The following ARHGAP29 variants were observed in gnomAD, a reference collection of about 807,000 sequenced individuals.
The protein encoded by ARHGAP29 is Rho GTPase activating protein 29.
ARHGAP29 carries 43 observed loss-of-function variants against 122.6 expected under a neutral mutation model. The observed-to-expected ratio is 0.35, with a 90% CI of 0.27 to 0.45. The LOEUF (loss-of-function observed/expected upper bound fraction) is 0.45, where lower values mean the gene tolerates loss of function less well. Ranked by LOEUF, ARHGAP29 falls within the 20% of genes least tolerant of loss-of-function variation. ARHGAP29 has a pLI of 1.00. For synonymous variants in ARHGAP29, 506 were observed against 497.1 expected (o/e 1.02, Z -0.24); for missense variants, 1,303 against 1,477.2 (o/e 0.88, Z 1.93).
chr1:94,174,769 A>T lies in ARHGAP29; in HGVS notation c.2906-20T>A, dbSNP rs757663502. On this transcript the variant is annotated intron_variant, in intron 22 of 22. Transcript: ENST00000260526. ...CTTTGTCTGAAAATGAAAGAAATCT[A>T]TTTAAGTTTGTGGCACATGGTTAAT... The T allele has an allele frequency of 1.2e-6, 2 of 1,605,494 alleles. No homozygotes were observed. Among genetic ancestry groups the T allele is most frequent in the Non-Finnish European group, 1.7e-6 (2 of 1,175,952 alleles).
rs1649441312 is a variant in ARHGAP29, at chr1:94,181,262, A to C, written c.2248-1305T>G. 4.6e-5 allele frequency among the ~76,000 whole-genome samples: 7 copies of C among 152,278 alleles called. No homozygotes were observed. In the South Asian group the frequency reaches 1.5e-3, roughly 32 times the overall value. On this transcript the variant is annotated intron_variant, in intron 19 of 22. Coordinates refer to ENST00000260526, the MANE Select transcript of ARHGAP29 (RefSeq NM_004815.4). ...GCACTAGGTCTTCTGATTCTGCTGGAGCTATCTGAGAAGGCTTAGATCTGT... is the reference window on the plus strand; with the variant it reads ...GCACTAGGTCTTCTGATTCTGCTGGCGCTATCTGAGAAGGCTTAGATCTGT...
upstream of ARHGAP29, among the ~76,000 whole-genome samples, chr1:94,242,037 C>T (rs1294673998): frequency 6.6e-6 from 1 of 151,844 alleles, no homozygotes; most frequent in Non-Finnish European, 1.5e-5. Flanking sequence ...GGACAGAGTA[C>T]CAGAGACTAA....
upstream of ARHGAP29, among the ~76,000 whole-genome samples, chr1:94,241,675 GATAT>G (rs1185118743): frequency 2.2e-5 from 3 of 139,140 alleles, no homozygotes. Context: ...AATTATATAT[GATAT>G]ATATAATTTA....
At chr1:94,198,537 C>G (rs368509620) in intron 12 of ARHGAP29, among the ~76,000 whole-genome samples, 2 of 152,100 alleles carry the variant, frequency 1.3e-5, no homozygotes, top group South Asian at 4.1e-4. Context: ...TAAAGGAAAT[C>G]TATACATATG....
In ARHGAP29 at chr1:94,269,740, G is replaced by T. The variant is rs369782444; in HGVS notation, c.-33+5272C>A. ...GCCAGGCATTGTTAAAGGTGCTGGGGGTATAGTAGGGACTAAAGCTGACGA... is the reference window on the plus strand; with the variant it reads ...GCCAGGCATTGTTAAAGGTGCTGGGTGTATAGTAGGGACTAAAGCTGACGA... On this transcript the variant is annotated intron_variant and NMD_transcript_variant, in intron 1 of 25. Coordinates refer to the ARHGAP29 transcript ENST00000552844. Among the ~76,000 whole-genome samples, 89 of 152,196 alleles carry T rather than the reference G, an allele frequency of 5.8e-4. No individual in the cohort carries two copies. The South Asian group carries it at 0.018, about 30-fold the overall frequency.
chr1:94,294,877 A>G, the ARHGAP29 span, among the ~76,000 whole-genome samples: 2 of 152,254 alleles, frequency 1.3e-5, no homozygotes, highest in South Asian at 4.1e-4. Flanking sequence ...CAACAGTGTC[A>G]AATGCCCTTG....
At chr1:94,270,456 G>GT (rs1654944134) in intron 1 of ARHGAP29, among the ~76,000 whole-genome samples, 1 of 152,210 alleles carries the variant, frequency 6.6e-6, no homozygotes, top group Non-Finnish European at 1.5e-5. Flanking sequence ...CCCATTATGA[G>GT]TTGAGTTATT....
intron 14 of ARHGAP29, 51 bp downstream of exon 14, chr1:94,189,165 G>A (rs748212179): frequency 9.5e-5 from 147 of 1,548,114 alleles, no homozygotes; most frequent in Non-Finnish European, 1.3e-4. Context: ...AATCACATTC[G>A]AACAACCTGA....
At chr1:94,261,895 A>G (rs1654570876) in intron 1 of ARHGAP29, among the ~76,000 whole-genome samples, 2 of 152,240 alleles carry the variant, frequency 1.3e-5, no homozygotes, top group South Asian at 2.1e-4. Context: ...ACAACTAGAA[A>G]AAGCTATTTT....
the ARHGAP29 span, among the ~76,000 whole-genome samples, chr1:94,294,324 T>TA: frequency 2.6e-5 from 4 of 151,788 alleles, no homozygotes; most frequent in East Asian, 3.9e-4. Context: ...TATGTATATA[T>TA]TTTTTTAGAC....
chr1:94,238,507 T>C (rs948508434), upstream of ARHGAP29, among the ~76,000 whole-genome samples: 1 of 152,088 alleles, frequency 6.6e-6, no homozygotes, highest in Non-Finnish European at 1.5e-5. Context: ...GAACAAGCGA[T>C]GGCACTTACC....
Position 94,207,389 on chromosome 1 carries a change from C to T in ARHGAP29, c.510+1443G>A, listed in dbSNP as rs184667346. ...ATATATCATCACAGCTTTTTTATTC[C>T]AATCTCTAAAACAAATTAAAACCTT... On this transcript the variant is annotated intron_variant, in intron 5 of 22. Transcript: ENST00000260526. Among the ~76,000 whole-genome samples the T allele has an allele frequency of 1.5e-3, 233 of 151,432 alleles. 2 individuals carry two copies. The highest frequency in any genetic ancestry group is 2.0e-3 in the Non-Finnish European group (137 of 67,846).
chr1:94,208,731 A>AT (rs1251561861), intron 5 of ARHGAP29, 101 bp downstream of exon 5: 2 of 1,156,900 alleles, frequency 1.7e-6, no homozygotes, highest in Non-Finnish European at 2.6e-6. Flanking sequence ...AAGTGCTGGG[A>AT]TTACAGGTAT....
intron 20 of ARHGAP29, among the ~76,000 whole-genome samples, chr1:94,179,300 G>C (rs1342784297): frequency 6.6e-6 from 1 of 152,056 alleles, no homozygotes; most frequent in East Asian, 1.9e-4. Flanking sequence ...TAACACTTAA[G>C]AATGGCTAAG....
chr1:94,243,572 A>G (rs1302668625), intron 1 of ARHGAP29, among the ~76,000 whole-genome samples: 2 of 152,074 alleles, frequency 1.3e-5, no homozygotes, highest in African/African-American at 4.8e-5. Context: ...ACACAGTTTT[A>G]GATGCTTTAT....
At position 94,222,672 on chromosome 1, in the gene ARHGAP29, A is replaced by G. The variant is rs541133100; in HGVS notation, c.206-2280T>C. ...ATAGGATCCTGGAAAATAATAAAGA[A>G]TATTAGAGGAAATCTATGGAAATCT... On this transcript the variant is annotated intron_variant, in intron 2 of 22. Coordinates refer to ENST00000260526, the MANE Select transcript of ARHGAP29 (RefSeq NM_004815.4). Among the ~76,000 whole-genome samples, 20 of 152,282 alleles carry G rather than the reference A, an allele frequency of 1.3e-4. No individual in the cohort carries two copies. In the South Asian group the frequency reaches 4.2e-3, roughly 32 times the overall value.
At chr1:94,243,688 TAAGAA>T (rs1366918281) in intron 1 of ARHGAP29, among the ~76,000 whole-genome samples, 8 of 151,772 alleles carry the variant, frequency 5.3e-5, no homozygotes, top group African/African-American at 7.3e-5. Context: ...TAAATAATGA[TAAGAA>T]CAGAAATCAG....
In ARHGAP29 at chr1:94,177,705, C is replaced by T. The variant is rs1433930875; in HGVS notation, c.2812G>A (p.Glu938Lys). The T allele has an allele frequency of 6.2e-7, 1 of 1,612,542 alleles. No homozygotes were observed. The highest frequency in any genetic ancestry group is 1.7e-5 in the Admixed American group (1 of 59,784). Residue 938 changes from glutamate (E) to lysine (K), a missense_variant, in exon 22 of 23, where the codon GAG becomes AAG. Physicochemically the swap from Glu to Lys is moderately conservative, Grantham distance 56. Coordinates refer to ENST00000260526, the MANE Select transcript of ARHGAP29 (RefSeq NM_004815.4). ...FSSKEDIHTS[E>K]SESKIFERAT... ...CGTTCAAAAATTTTGCTTTCACTCT[C>T]TGAAGTATGGATATCCTGTTGATGC...
chr1:94,221,608 T>A (rs938213215), intron 2 of ARHGAP29, among the ~76,000 whole-genome samples: 1 of 150,734 alleles, frequency 6.6e-6, no homozygotes, highest in African/African-American at 2.4e-5. Flanking sequence ...AATATTTGTG[T>A]ATATACTTAA....
Sources: gnomAD v4.1 joint callset for allele counts (sites outside exome capture counted in the v4.1 genomes callset) on GRCh38, gnomAD v4.1.1 for gene constraint, MANE v1.5 for transcripts, NCBI Gene and HGNC (gene_info 2026-07-23, HGNC 2026-07-21) for gene names.